The following CATSPERG variants were observed in gnomAD, a reference collection of about 807,000 sequenced individuals.
The protein encoded by CATSPERG is catsper channel auxiliary subunit gamma.
In CATSPERG, 115 loss-of-function variants were observed where a neutral mutation model predicts 145.0. The observed-to-expected ratio is 0.79, with a 90% CI of 0.68 to 0.93. The LOEUF (loss-of-function observed/expected upper bound fraction) is 0.93. Among genes scored for constraint, CATSPERG ranks in the 40% least tolerant of loss-of-function variants. CATSPERG has a pLI of 0.00. For missense variants in CATSPERG, 1,296 were observed against 1,490.1 expected (o/e 0.87, Z 2.14); for synonymous variants, 588 against 589.0 (o/e 1.00, Z 0.02).
At chr19:38,358,064 G>C in intron 11 of CATSPERG, 1 of 566,460 alleles carries the variant, frequency 1.8e-6, no homozygotes, top group African/African-American at 1.9e-5. Flanking sequence ...GTTGCAGTGA[G>C]CTGAGATCAC....
At chr19:38,348,523 G>C (rs1057034864) in intron 7 of CATSPERG, among the ~76,000 whole-genome samples, 2 of 148,896 alleles carry the variant, frequency 1.3e-5, no homozygotes. Flanking sequence ...GCCCAGGCTG[G>C]AGTGCAATGG....
At chr19:38,370,325 T>C (rs1970524924) in intron 28 of CATSPERG, 67 bp downstream of exon 28, 3 of 1,489,938 alleles carry the variant, frequency 2.0e-6, no homozygotes, top group South Asian at 1.1e-5. Flanking sequence ...CCTATGCTTG[T>C]TATACCTTCG....
At chr19:38,345,862 C>A (rs1970033381) in intron 6 of CATSPERG, among the ~76,000 whole-genome samples, 1 of 152,142 alleles carries the variant, frequency 6.6e-6, no homozygotes, top group Non-Finnish European at 1.5e-5. Context: ...TTGATGCAGT[C>A]ACTCAGCAGG....
Position 38,361,802 on chromosome 19 carries a change from C to T in CATSPERG, c.2035C>T (p.Leu679Phe), listed in dbSNP as rs1970350216. The part of the protein sequence containing the change: ...ERSGFHNENS[L>F]AIYQGLVYYL... ...CTCGGGCTTCCACAACGAGAACTCGCTCGCCATCTACCAGGGCCTGGTCTA... is the reference window on the plus strand; with the variant it reads ...CTCGGGCTTCCACAACGAGAACTCGTTCGCCATCTACCAGGGCCTGGTCTA... The change falls in exon 17 of 29, where the codon CTC becomes TTC. Residue 679 changes from leucine to phenylalanine, a missense_variant. By Grantham distance (22) the Leu-to-Phe change is conservative. Transcript: ENST00000409235. 1.2e-6 allele frequency: 2 copies of T among 1,613,146 alleles called. No individual in the cohort carries two copies. The highest frequency in any genetic ancestry group is 4.5e-5 in the East Asian group (2 of 44,822).
At position 38,356,776 on chromosome 19, in the gene CATSPERG, C is replaced by A; in HGVS notation, c.1230C>A (p.Ile410=). The part of the protein sequence containing the change: ...TTCSIIWSEY[I]AGEYTLLLLV... ...GCTCCATAATTTGGTCTGAATACATCGCGGGTGAGTATACTCTACTGCTGC... is the reference window on the plus strand; with the variant it reads ...GCTCCATAATTTGGTCTGAATACATAGCGGGTGAGTATACTCTACTGCTGC... Residue 410 remains isoleucine (I), a synonymous_variant, in exon 11 of 29, where the codon ATC becomes ATA. Transcript: ENST00000409235. The A allele has an allele frequency of 6.2e-7, 1 of 1,614,126 alleles. No homozygotes were observed. The highest frequency in any genetic ancestry group is 8.5e-7 in the Non-Finnish European group (1 of 1,180,008).
At chr19:38,337,063 G>A in intron 1 of CATSPERG, 158 bp from the exon 2 acceptor site, 1 of 847,034 alleles carries the variant, frequency 1.2e-6, no homozygotes, top group South Asian at 1.7e-5. Context: ...GCAAGAGCAG[G>A]GGCGGGACCA....
chr19:38,337,021 G>T (rs1227130573), intron 1 of CATSPERG, 200 bp from the exon 2 acceptor site: 1 of 642,278 alleles, frequency 1.6e-6, no homozygotes, highest in Non-Finnish European at 2.7e-6. Flanking sequence ...GCAGAGGCGG[G>T]GCTAAAAGTC....
intron 7 of CATSPERG, among the ~76,000 whole-genome samples, chr19:38,350,426 G>A (rs554062959): frequency 6.6e-6 from 1 of 152,260 alleles, no homozygotes; most frequent in Admixed American, 6.5e-5. Context: ...CACCCAGGCT[G>A]GAGTGCAGTG....
rs2145089113 is a variant in CATSPERG, at chr19:38,354,696, A to G, written c.998-14A>G. 6.2e-7 allele frequency: 1 copy of G among 1,613,512 alleles called. No individual in the cohort carries two copies. Among genetic ancestry groups the G allele is most frequent in the Non-Finnish European group, 8.5e-7 (1 of 1,179,580 alleles). ...CAACCACCTGGGTCTGAGGCCCCAT[A>G]CTGACTTCACTAGGCAGTTGGATTC... On this transcript the variant is annotated splice_polypyrimidine_tract_variant and intron_variant, in intron 8 of 28. Transcript: ENST00000409235.
chr19:38,344,896 TATA>T (rs1230165483), intron 6 of CATSPERG, among the ~76,000 whole-genome samples: 3 of 111,106 alleles, frequency 2.7e-5, no homozygotes, highest in African/African-American at 6.8e-5. Context: ...TATATATATA[TATA>T]TATTTTTTTT....
chr19:38,343,692 T>C lies in CATSPERG; in HGVS notation c.437T>C (p.Ile146Thr), dbSNP rs1478304281. ...FYRWKIEQLQ[I>T]QMEAAPFRSK... ...CGCTGGAAGATAGAGCAGCTGCAGA[T>C]CCAGATGGAGGCTGCCCCCTTCCGC... The change falls in exon 4 of 29, where the codon ATC becomes ACC. Residue 146 changes from isoleucine (I) to threonine (T), a missense_variant. Physicochemically the swap from Ile to Thr is moderately conservative, Grantham distance 89. Transcript: ENST00000409235. 6.5e-7 allele frequency: 1 copy of C among 1,548,160 alleles called. No individual in the cohort carries two copies. Among genetic ancestry groups the C allele is most frequent in the African/African-American group, 1.4e-5 (1 of 73,020 alleles).
chr19:38,345,900 A>G (rs535019957), intron 6 of CATSPERG, among the ~76,000 whole-genome samples: 6 of 152,296 alleles, frequency 3.9e-5, no homozygotes, highest in Admixed American at 6.5e-5. Context: ...TTGTTGCATC[A>G]TGGGGACACA....
intron 13 of CATSPERG, 33 bp downstream of exon 13, chr19:38,358,594 A>G (rs1220543379): frequency 6.2e-7 from 1 of 1,613,452 alleles, no homozygotes; most frequent in East Asian, 2.2e-5. Flanking sequence ...TGGGCCAGGC[A>G]TACTCTGTCT....
Position 38,350,253 on chromosome 19 carries a change from C to G in CATSPERG, c.826-2008C>G, listed in dbSNP as rs566771798. 2.4e-4 allele frequency among the ~76,000 whole-genome samples: 37 copies of G among 152,304 alleles called. No homozygotes were observed. In the South Asian group the frequency reaches 7.7e-3, roughly 32 times the overall value. On this transcript the variant is annotated intron_variant, in intron 7 of 28. Coordinates refer to ENST00000409235, the MANE Select transcript of CATSPERG (RefSeq NM_021185.5). The stretch of plus-strand genomic sequence containing the variant: ...AAATATGGGGAAATGGATTTGAGAG[C>G]TTTACTAGCCATCTCCTAAAAGTGG...
At chr19:38,368,931 G>A (rs1458549401) in intron 26 of CATSPERG, among the ~76,000 whole-genome samples, 1 of 152,208 alleles carries the variant, frequency 6.6e-6, no homozygotes, top group Non-Finnish European at 1.5e-5. Context: ...CCAAAGTACT[G>A]GGATTACAGG....
In CATSPERG at chr19:38,362,375, G is replaced by C. The variant is rs1482160297; in HGVS notation, c.2158-1G>C. 5.0e-6 allele frequency: 8 copies of C among 1,614,176 alleles called. No individual in the cohort carries two copies. Among genetic ancestry groups the C allele is most frequent in the Non-Finnish European group, 6.8e-6 (8 of 1,180,002 alleles). ...TCTGCCCCGCGCATCCGGTACCCCA[G>C]GATTACTACTTCTTCTTGGCGAGCA... is the stretch of plus-strand genomic sequence containing the variant. On this transcript the variant is annotated splice_acceptor_variant, in intron 18 of 28. Transcript: ENST00000409235. LOFTEE classifies it high-confidence loss of function.
intron 3 of CATSPERG, among the ~76,000 whole-genome samples, chr19:38,339,819 G>A (rs185722737): frequency 4.6e-5 from 7 of 151,390 alleles, no homozygotes; most frequent in Admixed American, 2.0e-4. Flanking sequence ...GCTTTTACAC[G>A]TGCATATCCA....
chr19:38,353,052 A>T (rs915603424), intron 8 of CATSPERG, among the ~76,000 whole-genome samples: 6 of 135,500 alleles, frequency 4.4e-5, no homozygotes, highest in African/African-American at 1.3e-4. Flanking sequence ...AAAAAAAAAA[A>T]GCTGGGCATG....
chr19:38,365,836 T>C (rs1039064226), intron 22 of CATSPERG: 5 of 152,160 alleles, frequency 3.3e-5, no homozygotes, highest in African/African-American at 1.2e-4. Flanking sequence ...GCCTCCCAAG[T>C]AGCTGGGATT....
Sources: allele counts gnomAD v4.1 joint callset (sites outside exome capture counted in the v4.1 genomes callset), GRCh38; gene constraint gnomAD v4.1.1; transcripts MANE v1.5; gene names NCBI Gene and HGNC (gene_info 2026-07-23, HGNC 2026-07-21).